CYP20A1: variants seen among roughly 807,000 people sequenced by gnomAD.
CYP20A1 encodes cytochrome P450 family 20 subfamily A member 1, also known as cytochrome P450 20A1.
A neutral mutation model predicts 61.4 loss-of-function variants in CYP20A1; 61 were observed. That is an observed-to-expected ratio of 0.99 (90% CI 0.81 to 1.23). CYP20A1 has a LOEUF of 1.23. Ranked by LOEUF, CYP20A1 falls within the 50% of genes most tolerant of loss-of-function variation. The pLI, the probability that CYP20A1 is intolerant of heterozygous loss-of-function variation, is 0.00. For synonymous variants in CYP20A1, 193 were observed against 188.2 expected (o/e 1.03, Z -0.21); for missense variants, 530 against 542.4 (o/e 0.98, Z 0.23).
At position 203,303,694 on chromosome 2, in the gene CYP20A1, A is replaced by G. The variant is rs186889223; in HGVS notation, c.*6786A>G. Among the ~76,000 whole-genome samples the G allele has an allele frequency of 7.4e-4, 113 of 151,966 alleles. No homozygotes were observed. Among genetic ancestry groups the G allele is most frequent in the Middle Eastern group, 3.4e-3 (1 of 294 alleles). The stretch of plus-strand genomic sequence containing the variant: ...TGGGTGACGAGCGAAAATCCGTCTC[A>G]ACCAAGAAAAAAGAAAAAAAGAAAA... On this transcript the variant is annotated 3_prime_UTR_variant, in exon 13 of 13. Coordinates refer to ENST00000356079, the MANE Select transcript of CYP20A1 (RefSeq NM_177538.3).
In CYP20A1 at chr2:203,268,560, C is replaced by T. The variant is rs111586921; in HGVS notation, c.600+1879C>T. ...AAGCTGTCAAAGGAAACTTTTCAGA[C>T]TATAAACAGGACTTATTCTTCCTCA... On this transcript the variant is annotated intron_variant, in intron 5 of 12. Transcript: ENST00000356079. Among the ~76,000 whole-genome samples, 111 of 151,414 alleles carry T rather than the reference C, an allele frequency of 7.3e-4. 2 individuals carry two copies. The highest frequency in any genetic ancestry group is 3.4e-3 in the Middle Eastern group (1 of 292).
chr2:203,278,732 G>C, intron 7 of CYP20A1, 44 bp downstream of exon 7: 1 of 1,105,888 alleles, frequency 9.0e-7, no homozygotes, highest in Non-Finnish European at 1.3e-6. Flanking sequence ...AAATAAGCCA[G>C]AGCCAGGCAC....
At chr2:203,266,765 G>A in intron 5 of CYP20A1, 84 bp downstream of exon 5, 2 of 1,168,238 alleles carry the variant, frequency 1.7e-6, no homozygotes, top group Non-Finnish European at 2.5e-6. Context: ...TTGGGAGGCT[G>A]CAGTCAGGAG....
chr2:203,276,445 G>A (rs1049582623), intron 6 of CYP20A1, among the ~76,000 whole-genome samples: 1 of 152,116 alleles, frequency 6.6e-6, no homozygotes. Flanking sequence ...TTAGAAGGCT[G>A]CTGCAATAAA....
chr2:203,304,573 G>T lies in CYP20A1; in HGVS notation c.*7665G>T, dbSNP rs2069150047. 6.6e-6 allele frequency among the ~76,000 whole-genome samples: 1 copy of T among 152,144 alleles called. No individual in the cohort carries two copies. The highest frequency in any genetic ancestry group is 2.1e-4 in the South Asian group (1 of 4,834). On this transcript the variant is annotated 3_prime_UTR_variant, in exon 13 of 13. Coordinates refer to ENST00000356079, the MANE Select transcript of CYP20A1 (RefSeq NM_177538.3). ...TCTGTGACTGTTTATATTTTTCCCT[G>T]TTCCACATACATACATTTTTACATA...
intron 4 of CYP20A1, among the ~76,000 whole-genome samples, chr2:203,261,604 C>CT (rs1257549492): frequency 3.7e-4 from 7 of 18,928 alleles, no homozygotes; most frequent in Non-Finnish European, 8.6e-4. Flanking sequence ...CCTTTGTCAC[C>CT]TAAAAAAAAA....
At chr2:203,257,647 G>A (rs1194413023) in intron 4 of CYP20A1, among the ~76,000 whole-genome samples, 1 of 151,766 alleles carries the variant, frequency 6.6e-6, no homozygotes, top group East Asian at 2.0e-4. Context: ...AAATTAGCTG[G>A]GCGTGGTGGC....
At chr2:203,251,539 G>T (rs1027520971) in intron 3 of CYP20A1, among the ~76,000 whole-genome samples, 4 of 151,474 alleles carry the variant, frequency 2.6e-5, no homozygotes, top group Non-Finnish European at 4.4e-5. Context: ...GGAGGCTGAG[G>T]CAGGCGGATC....
intron 4 of CYP20A1, among the ~76,000 whole-genome samples, chr2:203,258,989 C>T (rs1291427264): frequency 6.6e-6 from 1 of 152,142 alleles, no homozygotes; most frequent in African/African-American, 2.4e-5. Context: ...ATAGAAGCAC[C>T]TTTTTCTTTT....
At chr2:203,288,478 T>C (rs1017430795) in intron 9 of CYP20A1, among the ~76,000 whole-genome samples, 3 of 152,176 alleles carry the variant, frequency 2.0e-5, no homozygotes, top group Non-Finnish European at 2.9e-5. Context: ...TAATTGTTCA[T>C]CCTTTATGTC....
chr2:203,264,472 G>A lies in CYP20A1; in HGVS notation c.433-2042G>A, dbSNP rs547884375. On this transcript the variant is annotated intron_variant, in intron 4 of 12. Transcript: ENST00000356079. ...AACTCCACTAGCTTTCTTTCAGTTA[G>A]TGTTTAATGTTTTATTGTTTTTCAT... 5.9e-5 allele frequency among the ~76,000 whole-genome samples: 9 copies of A among 152,114 alleles called. No homozygotes were observed. In the South Asian group the frequency reaches 8.3e-4, roughly 14 times the overall value.
intron 4 of CYP20A1, among the ~76,000 whole-genome samples, chr2:203,255,422 T>C (rs1194769220): frequency 9.9e-5 from 15 of 152,216 alleles, no homozygotes. Flanking sequence ...AAATTATTAT[T>C]ATGAGATTTT....
At chr2:203,279,035 G>A (rs1175277233) in intron 7 of CYP20A1, among the ~76,000 whole-genome samples, 2 of 152,042 alleles carry the variant, frequency 1.3e-5, no homozygotes, top group Admixed American at 1.3e-4. Flanking sequence ...CACGATCTCT[G>A]CTCACTGCAA....
chr2:203,260,600 C>G (rs1053603332), intron 4 of CYP20A1, among the ~76,000 whole-genome samples: 1 of 152,176 alleles, frequency 6.6e-6, no homozygotes, highest in Non-Finnish European at 1.5e-5. Flanking sequence ...CTTAATACAC[C>G]TTCCTGCACC....
At chr2:203,245,760 T>C in intron 1 of CYP20A1, 86 bp from the exon 2 acceptor site, 1 of 672,292 alleles carries the variant, frequency 1.5e-6, no homozygotes, top group Non-Finnish European at 2.5e-6. Flanking sequence ...AAAGCTATTA[T>C]TTAAGGTCCT....
At chr2:203,296,662 T>C in intron 12 of CYP20A1, 96 bp from the exon 13 acceptor site, 1 of 1,414,040 alleles carries the variant, frequency 7.1e-7, no homozygotes, top group South Asian at 1.4e-5. Flanking sequence ...TTTTTATTAT[T>C]ATTGTACTTT....
intron 6 of CYP20A1, among the ~76,000 whole-genome samples, chr2:203,273,530 C>A (rs2067691762): frequency 6.6e-6 from 1 of 152,146 alleles, no homozygotes; most frequent in African/African-American, 2.4e-5. Flanking sequence ...GCGGCCATGG[C>A]AGCACATGCC....
chr2:203,254,957 C>G lies in CYP20A1; in HGVS notation c.432+2848C>G, dbSNP rs570719267. Among the ~76,000 whole-genome samples the G allele has an allele frequency of 3.3e-5, 5 of 151,812 alleles. No individual in the cohort carries two copies. In the South Asian group the frequency reaches 8.3e-4, roughly 25 times the overall value. ...AGTGAGCCAAGATTGCGCCACTGCA[C>G]TCCAGCCTGGGTAACAGAGTGAGAC... On this transcript the variant is annotated intron_variant, in intron 4 of 12. Coordinates refer to ENST00000356079, the MANE Select transcript of CYP20A1 (RefSeq NM_177538.3).
chr2:203,278,695 T>C lies in CYP20A1; in HGVS notation c.795+7T>C. ...GAACCTTAATGACCAACAGGTGATATAATTGTTAAATGTTTATCAGGTAAA... is the reference window on the plus strand; with the variant it reads ...GAACCTTAATGACCAACAGGTGATACAATTGTTAAATGTTTATCAGGTAAA... On this transcript the variant is annotated splice_region_variant and intron_variant, in intron 7 of 12. Coordinates refer to ENST00000356079, the MANE Select transcript of CYP20A1 (RefSeq NM_177538.3). 1.4e-6 allele frequency: 2 copies of C among 1,427,700 alleles called. No homozygotes were observed. Among genetic ancestry groups the C allele is most frequent in the Non-Finnish European group, 1.9e-6 (2 of 1,033,712 alleles). 88.4% of individuals were successfully genotyped at this position (1,427,700 alleles called of 1,614,324 possible).
Sources: allele counts gnomAD v4.1 joint callset (sites outside exome capture counted in the v4.1 genomes callset), GRCh38; gene constraint gnomAD v4.1.1; transcripts MANE v1.5; gene names NCBI Gene and HGNC (gene_info 2026-07-23, HGNC 2026-07-21).